KIF1A: variants seen among roughly 807,000 people sequenced by gnomAD.
The protein encoded by KIF1A is kinesin family member 1A.
In KIF1A, 46 loss-of-function variants were observed where a neutral mutation model predicts 227.3. The observed-to-expected ratio is 0.20, with a 90% CI of 0.16 to 0.26. The LOEUF (loss-of-function observed/expected upper bound fraction) is 0.26. Ranked by LOEUF, KIF1A falls within the 10% of genes least tolerant of loss-of-function variation. The pLI is 1.00. For synonymous variants in KIF1A, 1,022 were observed against 1,012.8 expected, an observed-to-expected ratio of 1.01 and a Z score of -0.17; for missense variants, 1,683 against 2,485.9, an observed-to-expected ratio of 0.68 and a Z score of 6.87.
chr2:240,719,212 G>T lies in KIF1A; in HGVS notation c.5022-14C>A, dbSNP rs768163198. On this transcript the variant is annotated splice_polypyrimidine_tract_variant and intron_variant, in intron 46 of 48. Transcript: ENST00000498729. Reference sequence around the variant, plus strand: ...GAAACGATCGGGCTGAAGGCAGAGAGAGCTGCTCGCTGGGGCCCTCGGTGG... The same window carrying T: ...GAAACGATCGGGCTGAAGGCAGAGATAGCTGCTCGCTGGGGCCCTCGGTGG... 65 of 1,590,708 alleles carry T rather than the reference G, an allele frequency of 4.1e-5. 1 individual carries two copies. The highest frequency in any genetic ancestry group is 2.1e-4 in the South Asian group (19 of 89,272).
In KIF1A at chr2:240,757,205, C is replaced by T. The variant is rs910657613; in HGVS notation, c.2858+114G>A. On this transcript the variant is annotated intron_variant, in intron 27 of 48. Transcript: ENST00000498729. This position sits in a 1 kb window ranked among gnomAD's most constrained non-coding sequence, Gnocchi z 6.2. Reference sequence around the variant, plus strand: ...AGGAGGCCAGCCCCTCCACCTGCCTCGCCTGCCCTGGGAGGGCCCGGGCCA... The same window carrying T: ...AGGAGGCCAGCCCCTCCACCTGCCTTGCCTGCCCTGGGAGGGCCCGGGCCA... 6.4e-6 allele frequency: 7 copies of T among 1,098,528 alleles called. No homozygotes were observed. The highest frequency in any genetic ancestry group is 5.2e-5 in the East Asian group (2 of 38,490). The allele number at this position is 1,098,528 out of a possible 1,614,324, so 68.0% of individuals were successfully genotyped here.
Position 240,763,152 on chromosome 2 carries a change from G to A in KIF1A, c.1949+14C>T, listed in dbSNP as rs757499481. On this transcript the variant is annotated intron_variant, in intron 21 of 48. Transcript: ENST00000498729. ...GGAGGGGCAGCAGGCAGTTGGGGGT[G>A]GCCTCCGCCTCACCTCTGCTCCATC... The A allele has an allele frequency of 6.2e-7, 1 of 1,606,952 alleles. No individual in the cohort carries two copies. Among genetic ancestry groups the A allele is most frequent in the Admixed American group, 1.7e-5 (1 of 59,850 alleles).
intron 38 of KIF1A, among the ~76,000 whole-genome samples, chr2:240,727,166 A>G (rs2046114941): frequency 1.3e-5 from 2 of 152,296 alleles, no homozygotes; most frequent in East Asian, 1.9e-4. Context: ...TGAGCCCAGC[A>G]TTTTCCCAGC....
chr2:240,720,581 C>A (rs547981591), intron 45 of KIF1A: 2 of 202,742 alleles, frequency 9.9e-6, no homozygotes, highest in African/African-American at 4.6e-5. Flanking sequence ...CTGACTCTAA[C>A]GGCTCTCATG....
At chr2:240,821,212 C>G (rs1287751590), upstream of KIF1A, among the ~76,000 whole-genome samples, 1 of 152,222 alleles carries the variant, frequency 6.6e-6, no homozygotes, top group Non-Finnish European at 1.5e-5. Context: ...CCCCTGCCAT[C>G]GAGCCCCTGC....
rs756405913 is a variant in KIF1A at position 240,771,104 on chromosome 2, A to C, written c.1208T>G (p.Leu403Trp). Reference protein sequence around the residue: ...DTNTVPGGPKLTNALVGMSPS... With the variant: ...DTNTVPGGPKWTNALVGMSPS... ...GCTCATACCCACCAGGGCATTGGTC[A>C]CTGTGGAGAGAGGGTCAGGGGCTTC... is the stretch of plus-strand genomic sequence containing the variant. Residue 403 changes from leucine (L) to tryptophan (W), a missense_variant and splice_region_variant, in exon 15 of 49, where the codon TTG becomes TGG. Leu to Trp is a moderately conservative substitution (Grantham distance 61, BLOSUM62 -2). Coordinates refer to ENST00000498729, the MANE Select transcript of KIF1A (RefSeq NM_001244008.2). The C allele has an allele frequency of 6.2e-7, 1 of 1,613,440 alleles. No individual in the cohort carries two copies. Among genetic ancestry groups the C allele is most frequent in the South Asian group, 1.1e-5 (1 of 91,062 alleles).
Position 240,724,039 on chromosome 2 carries a change from G to T in KIF1A, c.4257-3C>A. The T allele has an allele frequency of 6.2e-7, 1 of 1,612,412 alleles. No individual in the cohort carries two copies. Among genetic ancestry groups the T allele is most frequent in the Non-Finnish European group, 8.5e-7 (1 of 1,179,614 alleles). On this transcript the variant is annotated splice_polypyrimidine_tract_variant and splice_region_variant and intron_variant, in intron 40 of 48. Coordinates refer to ENST00000498729, the MANE Select transcript of KIF1A (RefSeq NM_001244008.2). ...CGTACACACCAGTCACACGGTTACT[G>T]TGGGGAGTAGAAGGAGTGACATGCA...
chr2:240,742,834 C>G, intron 34 of KIF1A, 95 bp downstream of exon 34: 1 of 1,156,156 alleles, frequency 8.6e-7, no homozygotes, highest in Non-Finnish European at 1.3e-6. Context: ...AGCCCAGTCA[C>G]AGAGGACAGC....
intron 38 of KIF1A, among the ~76,000 whole-genome samples, chr2:240,728,981 A>G (rs937716596): frequency 1.3e-5 from 2 of 152,228 alleles, no homozygotes; most frequent in African/African-American, 4.8e-5. Flanking sequence ...TGGAGCTTGT[A>G]CACATCAGCA....
intron 22 of KIF1A, 39 bp from the exon 23 acceptor site, chr2:240,762,851 C>T: frequency 6.5e-7 from 1 of 1,531,216 alleles, no homozygotes; most frequent in Non-Finnish European, 8.9e-7. Flanking sequence ...TACGGCCCTA[C>T]CTGCCTGGGC....
intron 38 of KIF1A, among the ~76,000 whole-genome samples, chr2:240,733,971 G>T (rs2047037117): frequency 6.6e-6 from 1 of 152,250 alleles, no homozygotes; most frequent in African/African-American, 2.4e-5. Flanking sequence ...CCGACTCCCT[G>T]CCCCAGGCTG....
intron 1 of KIF1A, among the ~76,000 whole-genome samples, chr2:240,801,051 T>G (rs927284457): frequency 1.1e-4 from 16 of 152,210 alleles, no homozygotes; most frequent in African/African-American, 3.9e-4. Flanking sequence ...TACTCTACAT[T>G]CTTTTAATAG....
chr2:240,724,197 C>T (rs778084715), intron 40 of KIF1A, 161 bp from the exon 41 acceptor site: 4 of 683,628 alleles, frequency 5.9e-6, no homozygotes, highest in African/African-American at 3.5e-5. Context: ...TCAGAGTCCT[C>T]ATCCCAGACT....
At chr2:240,769,543 G>T (rs932627196) in intron 16 of KIF1A, 84 bp downstream of exon 16, 27 of 1,151,702 alleles carry the variant, frequency 2.3e-5, no homozygotes, top group Admixed American at 7.9e-5. Flanking sequence ...GCACTGGAGG[G>T]CAGGGCTCAG....
In KIF1A at chr2:240,754,692, G is replaced by A. The variant is rs572971499; in HGVS notation, c.2858+2627C>T. ...AGGTGCCAGAAATAACCTGACATCA[G>A]TTGGGAACCAGAGCGTAGCCCAGGC... On this transcript the variant is annotated intron_variant, in intron 27 of 48. Transcript: ENST00000498729. Among the ~76,000 whole-genome samples, 4 of 152,280 alleles carry A rather than the reference G, an allele frequency of 2.6e-5. No individual in the cohort carries two copies. In the East Asian group the frequency reaches 7.7e-4, roughly 29 times the overall value.
At chr2:240,798,888 G>A (rs1202003301) in intron 1 of KIF1A, among the ~76,000 whole-genome samples, 1 of 152,206 alleles carries the variant, frequency 6.6e-6, no homozygotes, top group African/African-American at 2.4e-5. Flanking sequence ...AATGCTCTAG[G>A]GTGCCCACTC....
At chr2:240,747,394 G>A (rs2048729834) in intron 28 of KIF1A, 73 bp from the exon 29 acceptor site, 1 of 1,210,300 alleles carries the variant, frequency 8.3e-7, no homozygotes, top group Non-Finnish European at 1.2e-6. Context: ...AGCCAGGCTG[G>A]GCCACCCCGC....
intron 38 of KIF1A, among the ~76,000 whole-genome samples, chr2:240,732,970 GGA>G (rs1157599033): frequency 8.0e-6 from 1 of 124,656 alleles, no homozygotes; most frequent in African/African-American, 3.1e-5. Flanking sequence ...AATGGATGAG[GGA>G]GAGATGAGGG....
In KIF1A at chr2:240,717,117, C is replaced by T. The variant is rs2125551899; in HGVS notation, c.*247G>A. The T allele has an allele frequency of 2.1e-6, 1 of 478,508 alleles. No homozygotes were observed. Among genetic ancestry groups the T allele is most frequent in the Non-Finnish European group, 3.7e-6 (1 of 269,416 alleles). The allele number at this position is 478,508 out of a possible 1,614,324, so 29.6% of individuals were successfully genotyped here. A position where few individuals can be genotyped will look rare whatever the true frequency, so the allele number is the denominator to read the frequency against. ...ACCCCCGTAACCTGTGCCCTTGGCC[C>T]CCCCAGCCTCTCCCAACTTGTTCCA... On this transcript the variant is annotated 3_prime_UTR_variant, in exon 49 of 49. Coordinates refer to ENST00000498729, the MANE Select transcript of KIF1A (RefSeq NM_001244008.2).
Sources: gnomAD v4.1 joint callset for allele counts (sites outside exome capture counted in the v4.1 genomes callset) on GRCh38, gnomAD v4.1.1 for gene constraint, Gnocchi (gnomAD v3.1) non-coding constraint, MANE v1.5 for transcripts, NCBI Gene and HGNC (gene_info 2026-07-23, HGNC 2026-07-21) for gene names.